Variants in JMJD1C observed in about 807,000 individuals in gnomAD.
JMJD1C encodes the protein jumonji domain containing 1C.
A neutral mutation model predicts 245.3 loss-of-function variants in JMJD1C; 31 were observed. The ratio of observed to expected loss-of-function variants is 0.13; its 90% CI spans 0.09 to 0.17. The LOEUF is 0.17. Ranked by LOEUF, JMJD1C falls within the 10% of genes least tolerant of loss-of-function variation. JMJD1C has a pLI of 1.00. For synonymous variants in JMJD1C, 1,057 were observed against 1,017.4 expected (o/e 1.04, Z -0.74); for missense variants, 2,691 against 3,000.2 (o/e 0.90, Z 2.41).
chr10:63,353,751 C>G (rs1027746314), intron 2 of JMJD1C, among the ~76,000 whole-genome samples: 3 of 152,070 alleles, frequency 2.0e-5, no homozygotes, highest in African/African-American at 7.3e-5. Context: ...AAGTGATCTG[C>G]CCGCCTCAGC....
intron 2 of JMJD1C, chr10:63,269,169 C>G: frequency 4.1e-6 from 4 of 985,378 alleles, no homozygotes; most frequent in Non-Finnish European, 4.8e-6. Context: ...ACTCTGTCTG[C>G]GTGGAAACAC....
intron 3 of JMJD1C, among the ~76,000 whole-genome samples, chr10:63,257,881 T>C (rs1400128991): frequency 6.6e-6 from 1 of 152,232 alleles, no homozygotes; most frequent in Admixed American, 6.5e-5. Context: ...TTATACACTG[T>C]CTATGGGTTA....
intron 24 of JMJD1C, among the ~76,000 whole-genome samples, chr10:63,169,067 C>T (rs1842107652): frequency 6.6e-6 from 1 of 152,170 alleles, no homozygotes; most frequent in African/African-American, 2.4e-5. Context: ...GACAGATCTA[C>T]TGACCTCGAC....
Position 63,200,635 on chromosome 10 carries a change from T to C in JMJD1C, c.5117A>G (p.Lys1706Arg). ...GGATTCCCCAGTTTGCTTCAGCTTC[T>C]TGACTTTACGCCAATCTTTCAATAC... ...RSVLKDWRKV[K>R]KLKQTGESFL... The change falls in exon 11 of 26, where the codon AAG (lysine) becomes AGG (arginine). Residue 1706 changes from lysine to arginine, a missense_variant. By Grantham distance (26) the Lys-to-Arg change is conservative. Coordinates refer to ENST00000399262, the MANE Select transcript of JMJD1C (RefSeq NM_032776.3). 1 of 1,614,098 alleles carries C rather than the reference T, an allele frequency of 6.2e-7. No homozygotes were observed. The highest frequency in any genetic ancestry group is 8.5e-7 in the Non-Finnish European group (1 of 1,179,970).
intron 1 of JMJD1C, among the ~76,000 whole-genome samples, chr10:63,462,625 TAGA>T (rs766251206): frequency 2.2e-4 from 34 of 152,122 alleles, no homozygotes; most frequent in Non-Finnish European, 4.6e-4. Flanking sequence ...GCAGGAGAGT[TAGA>T]AGGAGATGAC....
At chr10:63,504,283 G>C (rs1290945837) in intron 1 of JMJD1C, among the ~76,000 whole-genome samples, 1 of 152,126 alleles carries the variant, frequency 6.6e-6, no homozygotes, top group Non-Finnish European at 1.5e-5. Flanking sequence ...TCTAATTGGA[G>C]GAGGAAACAG....
chr10:63,462,663 C>T (rs1035358643), intron 1 of JMJD1C, among the ~76,000 whole-genome samples: 1 of 152,068 alleles, frequency 6.6e-6, no homozygotes, highest in African/African-American at 2.4e-5. Flanking sequence ...CAGAGAGATA[C>T]AACTTGGTTG....
At chr10:63,350,314 C>T (rs1944243511) in intron 2 of JMJD1C, among the ~76,000 whole-genome samples, 1 of 152,076 alleles carries the variant, frequency 6.6e-6, no homozygotes, top group Non-Finnish European at 1.5e-5. Flanking sequence ...TTTTAAAATC[C>T]TTACCTGATT....
At chr10:63,361,768 T>G (rs932631588) in intron 2 of JMJD1C, among the ~76,000 whole-genome samples, 4 of 143,872 alleles carry the variant, frequency 2.8e-5, no homozygotes, top group African/African-American at 1.0e-4. Context: ...ATCCTACTCC[T>G]CAATTTCATA....
At chr10:63,266,369 A>ACATAAAATCCTATAGGATTT (rs141534127) in intron 2 of JMJD1C, among the ~76,000 whole-genome samples, 13 of 152,232 alleles carry the variant, frequency 8.5e-5, no homozygotes, top group South Asian at 6.2e-4. Context: ...CTTTTCAATT[A>ACATAAAATCCTATAGGATTT]CATAAAATCC....
intron 2 of JMJD1C, among the ~76,000 whole-genome samples, chr10:63,282,653 TCTC>T (rs1857541419): frequency 6.6e-6 from 1 of 152,194 alleles, no homozygotes; most frequent in Admixed American, 6.5e-5. Flanking sequence ...AATATACTAA[TCTC>T]CTCTCAGGTC....
At chr10:63,427,728 G>A (rs1305082120) in intron 1 of JMJD1C, 2 of 1,374,296 alleles carry the variant, frequency 1.5e-6, no homozygotes, top group Non-Finnish European at 2.1e-6. Context: ...GAAGTGTCCA[G>A]GAATTTGGTC....
chr10:63,492,728 CATT>C (rs1454630258), intron 1 of JMJD1C, among the ~76,000 whole-genome samples: 1 of 151,878 alleles, frequency 6.6e-6, no homozygotes, highest in African/African-American at 2.4e-5. Flanking sequence ...TTAAAAAGCA[CATT>C]AATAAAAATA....
chr10:63,280,172 A>G (rs1857231301), intron 2 of JMJD1C, among the ~76,000 whole-genome samples: 1 of 152,128 alleles, frequency 6.6e-6, no homozygotes, highest in South Asian at 2.1e-4. Context: ...AAATTACAGA[A>G]TAATAAGATC....
At chr10:63,415,275 A>ATTT (rs3083128) in intron 1 of JMJD1C, among the ~76,000 whole-genome samples, 149,384 of 152,208 alleles carry the variant, frequency 0.98, 73,357 homozygotes, top group Middle Eastern at 1. Context: ...GTCATTATTC[A>ATTT]TTTAAAAGCT....
rs1319130006 is a variant in JMJD1C, at chr10:63,237,004, G to A, written c.448-17021C>T. The stretch of plus-strand genomic sequence containing the variant: ...TAGTATACATATACATCGTGTCAAT[G>A]ATTGATTCATACAGAACAAACACTG... On this transcript the variant is annotated intron_variant, in intron 3 of 25. Transcript: ENST00000399262. Among the ~76,000 whole-genome samples the A allele has an allele frequency of 2.6e-5, 4 of 152,104 alleles. No homozygotes were observed. In the East Asian group the frequency reaches 7.7e-4, roughly 29 times the overall value.
At chr10:63,496,931 C>T (rs1954382932) in intron 1 of JMJD1C, among the ~76,000 whole-genome samples, 1 of 152,114 alleles carries the variant, frequency 6.6e-6, no homozygotes, top group African/African-American at 2.4e-5. Context: ...TTTCCTTAGT[C>T]TGAATACTGG....
intron 5 of JMJD1C, 69 bp downstream of exon 5, chr10:63,217,138 T>C (rs1298610607): frequency 7.5e-7 from 1 of 1,326,464 alleles, no homozygotes; most frequent in African/African-American, 1.5e-5. Context: ...AAATTGTTGA[T>C]GTATTTTGGG....
intron 10 of JMJD1C, among the ~76,000 whole-genome samples, chr10:63,201,732 C>T (rs1846031452): frequency 6.6e-6 from 1 of 151,820 alleles, no homozygotes; most frequent in African/African-American, 2.4e-5. Context: ...GAGTTCGAGA[C>T]CAGCCTGACC....
Sources: allele counts gnomAD v4.1 joint callset (sites outside exome capture counted in the v4.1 genomes callset), GRCh38; gene constraint gnomAD v4.1.1; transcripts MANE v1.5; gene names NCBI Gene and HGNC (gene_info 2026-07-23, HGNC 2026-07-21).